Variants in ANKRD54 observed in about 807,000 individuals in gnomAD.
ANKRD54 encodes ankyrin repeat domain 54, also known as ankyrin repeat domain-containing protein 54.
ANKRD54 carries 26 observed loss-of-function variants against 36.2 expected under a neutral mutation model. The observed-to-expected ratio is 0.72, with a 90% CI of 0.53 to 1.00. The LOEUF (loss-of-function observed/expected upper bound fraction) is 1.00. Ranked by LOEUF, ANKRD54 falls within the 50% of genes least tolerant of loss-of-function variation. The pLI is 0.00. For missense variants in ANKRD54, 384 were observed against 424.3 expected (o/e 0.91, Z 0.83); for synonymous variants, 209 against 188.4 (o/e 1.11, Z -0.89).
chr22:37,844,588 T>C (rs980617117), upstream of ANKRD54, among the ~76,000 whole-genome samples: 1 of 152,142 alleles, frequency 6.6e-6, no homozygotes, highest in African/African-American at 2.4e-5. Flanking sequence ...AAACAGCATT[T>C]CAGACGCTTT....
In ANKRD54 at chr22:37,832,980, G is replaced by A. The variant is rs781473405; in HGVS notation, c.698C>T (p.Ala233Val). The A allele has an allele frequency of 1.2e-6, 2 of 1,613,874 alleles. No individual in the cohort carries two copies. Among genetic ancestry groups the A allele is most frequent in the African/African-American group, 1.3e-5 (1 of 74,920 alleles). ...LQEGHAQCLE[A>V]VRLEVKQIIH... ...CACCTGCTTCACCTCCAGACGCACA[G>A]CCTCTAGGCACTGGGCATGGCCCTC... is the stretch of plus-strand genomic sequence containing the variant. Residue 233 changes from alanine (A) to valine (V), a missense_variant, in exon 6 of 8, where the codon GCT (alanine) becomes GTT (valine). Transcript: ENST00000215941.
chr22:37,846,981 G>A (rs1031048428), upstream of ANKRD54, among the ~76,000 whole-genome samples: 19 of 149,924 alleles, frequency 1.3e-4, no homozygotes, highest in Admixed American at 4.0e-4. Flanking sequence ...AGCCTCCCAA[G>A]TAGCTGGGAC....
rs574862699 is a variant in ANKRD54, at chr22:37,838,603, C to T, written c.377-5G>A. 6.2e-7 allele frequency: 1 copy of T among 1,607,264 alleles called. No individual in the cohort carries two copies. Among genetic ancestry groups the T allele is most frequent in the South Asian group, 1.1e-5 (1 of 89,742 alleles). The stretch of plus-strand genomic sequence containing the variant: ...CATCTTCCAGCAGCTGCTGCACTGA[C>T]ACCACCAAGACAGAGGGAGGAAGGG... On this transcript the variant is annotated splice_polypyrimidine_tract_variant and splice_region_variant and intron_variant, in intron 2 of 7. Transcript: ENST00000215941.
At chr22:37,849,198 C>T (rs1925004749), upstream of ANKRD54, 37 of 557,724 alleles carry the variant, frequency 6.6e-5, no homozygotes, top group South Asian at 7.3e-4. Context: ...ATTGGTCAGG[C>T]TGGTCTCAAA....
In ANKRD54 at chr22:37,831,306, A is replaced by C. The variant is rs956169079; in HGVS notation, c.*637T>G. 1 of 152,328 alleles carries C rather than the reference A, an allele frequency of 6.6e-6. No individual in the cohort carries two copies. Among genetic ancestry groups the C allele is most frequent in the African/African-American group, 2.4e-5 (1 of 41,430 alleles). 9.4% of individuals were successfully genotyped at this position (152,328 alleles called of 1,614,324 possible). A position where few individuals can be genotyped will look rare whatever the true frequency, so the allele number is the denominator to read the frequency against. ...CAAAACTATTACACCCTCCGGTATA[A>C]TAGTTTTGGTGTTTCAATGACTGGG... is the stretch of plus-strand genomic sequence containing the variant. On this transcript the variant is annotated 3_prime_UTR_variant, in exon 8 of 8. Transcript: ENST00000215941.
At chr22:37,840,925 C>A (rs906639631) in intron 1 of ANKRD54, among the ~76,000 whole-genome samples, 3 of 151,786 alleles carry the variant, frequency 2.0e-5, no homozygotes. Context: ...CAAAAAAAAC[C>A]CAGCCATCTA....
intron 4 of ANKRD54, 64 bp from the exon 5 acceptor site, chr22:37,833,270 T>C: frequency 3.1e-6 from 5 of 1,590,014 alleles, no homozygotes; most frequent in Admixed American, 3.6e-5. Context: ...GCGTGGCCAC[T>C]GGAGGGAGCA....
In ANKRD54 at chr22:37,844,170, G is replaced by GC; in HGVS notation, c.68dup (p.Cys23TrpfsTer10). ...CAGTCAGCGGCTCCGGCGCCACCGC[G>GC]CACTCGCCCTCCGAGCTCGAGTGGC... is the stretch of plus-strand genomic sequence containing the variant. On this transcript the variant is annotated frameshift_variant, in exon 1 of 8. Coordinates refer to ENST00000215941, the MANE Select transcript of ANKRD54 (RefSeq NM_138797.4). LOFTEE classifies it high-confidence loss of function. 6.7e-7 allele frequency: 1 copy of GC among 1,501,350 alleles called. No individual in the cohort carries two copies. Among genetic ancestry groups the GC allele is most frequent in the East Asian group, 2.8e-5 (1 of 35,968 alleles). The allele number at this position is 1,501,350 out of a possible 1,614,324, so 93.0% of individuals were successfully genotyped here.
Position 37,833,691 on chromosome 22 carries a change from C to T in ANKRD54, c.540G>A (p.Leu180=), listed in dbSNP as rs1014060952. Residue 180 remains leucine (L), a synonymous_variant, in exon 4 of 8, where the codon CTG becomes CTA. Coordinates refer to ENST00000215941, the MANE Select transcript of ANKRD54 (RefSeq NM_138797.4). The part of the protein sequence containing the change: ...NQRDGLGNTP[L]HLAACTNHVP... ...GACTTCTGACATGCTTACCCAGGTG[C>T]AGTGGCGTGTTCCCCAGCCCATCTC... The T allele has an allele frequency of 1.2e-6, 2 of 1,614,116 alleles. No individual in the cohort carries two copies. The highest frequency in any genetic ancestry group is 1.7e-6 in the Non-Finnish European group (2 of 1,179,974).
At chr22:37,836,772 T>C (rs1235799808) in intron 3 of ANKRD54, among the ~76,000 whole-genome samples, 2 of 151,762 alleles carry the variant, frequency 1.3e-5, no homozygotes, top group Non-Finnish European at 2.9e-5. Context: ...CTCACACCTG[T>C]AATCCCAGCA....
rs1014919873 is a variant in ANKRD54, at chr22:37,833,163, T to G, written c.591A>C (p.Arg197=). The change falls in exon 5 of 8, where the codon CGA becomes CGC. Residue 197 remains arginine, a synonymous_variant. Coordinates refer to ENST00000215941, the MANE Select transcript of ANKRD54 (RefSeq NM_138797.4). ...AGAGGGGAAGAAACCACATACCTCC[T>G]CGTAGCAGTGTGGTGATGACAGGAA... The part of the protein sequence containing the change: ...NHVPVITTLL[R]GGARVDALDR... The G allele has an allele frequency of 1.9e-6, 3 of 1,613,676 alleles. No individual in the cohort carries two copies. In the African/African-American group the frequency reaches 4.0e-5, roughly 22 times the overall value.
rs1188238659 is a variant in ANKRD54, at chr22:37,831,398, C to T, written c.*545G>A. 1.3e-5 allele frequency: 2 copies of T among 154,586 alleles called. No homozygotes were observed. The highest frequency in any genetic ancestry group is 2.9e-5 in the Non-Finnish European group (2 of 69,266). 9.6% of individuals were successfully genotyped at this position (154,586 alleles called of 1,614,324 possible). A position where few individuals can be genotyped will look rare whatever the true frequency, so the allele number is the denominator to read the frequency against. On this transcript the variant is annotated 3_prime_UTR_variant, in exon 8 of 8. Coordinates refer to ENST00000215941, the MANE Select transcript of ANKRD54 (RefSeq NM_138797.4). ...CCTTGTATTTTTAAGGTCTGGGACT[C>T]ACCAACCCTCCCCTTCCAACCAGAG...
chr22:37,845,896 C>G (rs531667605), upstream of ANKRD54, among the ~76,000 whole-genome samples: 2 of 149,502 alleles, frequency 1.3e-5, no homozygotes, highest in African/African-American at 4.9e-5. Flanking sequence ...AAAAAAAGGC[C>G]TGGCGCTGTG....
chr22:37,836,189 G>C (rs1394293127), intron 3 of ANKRD54, among the ~76,000 whole-genome samples: 1 of 148,412 alleles, frequency 6.7e-6, no homozygotes, highest in Non-Finnish European at 1.5e-5. Flanking sequence ...GCTCACGCCT[G>C]TAATCCCAGC....
Position 37,831,259 on chromosome 22 carries a change from C to T in ANKRD54, c.*684G>A, listed in dbSNP as rs1472482220. 1 of 152,224 alleles carries T rather than the reference C, an allele frequency of 6.6e-6. No individual in the cohort carries two copies. Among genetic ancestry groups the T allele is most frequent in the African/African-American group, 2.4e-5 (1 of 41,444 alleles). 9.4% of individuals were successfully genotyped at this position (152,224 alleles called of 1,614,324 possible). On this transcript the variant is annotated 3_prime_UTR_variant, in exon 8 of 8. Transcript: ENST00000215941. ...ACATGGGCATCTTGGGAGGCCACTA[C>T]TGGCCTACCACAACTGGGCAGCAAA... is the stretch of plus-strand genomic sequence containing the variant.
At chr22:37,833,944 C>T (rs1334524674) in intron 3 of ANKRD54, 189 bp from the exon 4 acceptor site, 13 of 584,412 alleles carry the variant, frequency 2.2e-5, no homozygotes, top group Middle Eastern at 4.7e-4. Flanking sequence ...GCCCTGAGGG[C>T]CAGGAACTGA....
rs183835776 is a variant in ANKRD54 at position 37,836,936 on chromosome 22, G to C, written c.475+1564C>G. Reference sequence around the variant, plus strand: ...CCCAGCTACCCGGGAGGCTGAAGCAGGAGAATTACTCAAACCCAGGAGGTG... The same window carrying C: ...CCCAGCTACCCGGGAGGCTGAAGCACGAGAATTACTCAAACCCAGGAGGTG... On this transcript the variant is annotated intron_variant, in intron 3 of 7. Transcript: ENST00000215941. Among the ~76,000 whole-genome samples, 7 of 151,614 alleles carry C rather than the reference G, an allele frequency of 4.6e-5. No homozygotes were observed. The East Asian group carries it at 9.7e-4, about 21-fold the overall frequency.
chr22:37,848,580 G>C (rs1320986477), upstream of ANKRD54: 1 of 151,946 alleles, frequency 6.6e-6, no homozygotes, highest in African/African-American at 2.4e-5. Context: ...ATTTTTAATA[G>C]AGACGGGGTT....
At chr22:37,840,149 C>A (rs1231123802) in intron 2 of ANKRD54, 38 bp downstream of exon 2, 2 of 1,613,302 alleles carry the variant, frequency 1.2e-6, no homozygotes, top group Admixed American at 3.3e-5. Flanking sequence ...CCAACCAGCC[C>A]ATGGGACCCT....
Sources: gnomAD v4.1 joint callset for allele counts (sites outside exome capture counted in the v4.1 genomes callset) on GRCh38, gnomAD v4.1.1 for gene constraint, MANE v1.5 for transcripts, NCBI Gene and HGNC (gene_info 2026-07-23, HGNC 2026-07-21) for gene names.